Variants in TMED3 observed in about 807,000 individuals in gnomAD.
TMED3 encodes the protein transmembrane p24 trafficking protein 3.
In TMED3, 9 loss-of-function variants were observed where a neutral mutation model predicts 15.0. The ratio of observed to expected loss-of-function variants is 0.60; its 90% confidence interval spans 0.36 to 1.04. TMED3 has a LOEUF of 1.04. Among genes scored for constraint, TMED3 ranks in the 50% least tolerant of loss-of-function variants. The probability of loss-of-function intolerance (pLI) is 0.01; values close to 1 mark genes in which losing one functional copy is unlikely to be tolerated. For synonymous variants in TMED3, 117 were observed against 121.4 expected, an observed-to-expected ratio of 0.96 and a Z score of 0.24; for missense variants, 267 against 278.9, an observed-to-expected ratio of 0.96 and a Z score of 0.30.
At chr15:79,325,829 G>A (rs57478371), downstream of TMED3, among the ~76,000 whole-genome samples, 1,233 of 152,260 alleles carry the variant, frequency 8.1e-3, 17 homozygotes, top group African/African-American at 0.028. Flanking sequence ...CATCCAGCAC[G>A]GGAGAAAGAT....
At chr15:79,367,619 A>G (rs181633881) in intron 2 of TMED3, among the ~76,000 whole-genome samples, 1 of 152,252 alleles carries the variant, frequency 6.6e-6, no homozygotes, top group East Asian at 1.9e-4. Context: ...GGTGTTCTGG[A>G]TGGTCTTTGG....
At chr15:79,401,875 T>A (rs1255969743) in intron 2 of TMED3, among the ~76,000 whole-genome samples, 1 of 152,156 alleles carries the variant, frequency 6.6e-6, no homozygotes, top group Non-Finnish European at 1.5e-5. Context: ...ATCCCATCAA[T>A]AGGTTTTTAG....
In TMED3 at chr15:79,322,414, G is replaced by A. The variant is rs978420618; in HGVS notation, c.*200G>A. The A allele has an allele frequency of 2.3e-5, 33 of 1,421,296 alleles. No homozygotes were observed. Among genetic ancestry groups the A allele is most frequent in the South Asian group, 9.2e-5 (6 of 65,212 alleles). The allele number at this position is 1,421,296 out of a possible 1,614,324, so 88.0% of individuals were successfully genotyped here. On this transcript the variant is annotated 3_prime_UTR_variant, in exon 3 of 3. Transcript: ENST00000299705. Reference sequence around the variant, plus strand: ...AGAGACCAGTAATCAGAAGGCATCCGACTGCATTAAGTGTGCAGCGCTGAA... The same window carrying A: ...AGAGACCAGTAATCAGAAGGCATCCAACTGCATTAAGTGTGCAGCGCTGAA...
intron 2 of TMED3, among the ~76,000 whole-genome samples, chr15:79,368,784 C>T (rs567897626): frequency 2.6e-5 from 4 of 152,114 alleles, no homozygotes; most frequent in African/African-American, 9.6e-5. Flanking sequence ...TCCTACTTAA[C>T]CCTTTAGAAA....
At chr15:79,395,528 C>T (rs1432075301) in intron 2 of TMED3, among the ~76,000 whole-genome samples, 5 of 152,126 alleles carry the variant, frequency 3.3e-5, no homozygotes, top group Non-Finnish European at 7.4e-5. Flanking sequence ...AAATATTTAA[C>T]TACACTTTAA....
intron 2 of TMED3, among the ~76,000 whole-genome samples, chr15:79,371,928 C>T (rs539804336): frequency 1.3e-5 from 2 of 152,320 alleles, no homozygotes; most frequent in Admixed American, 6.5e-5. Context: ...TACCATAATT[C>T]TACCTTTTCT....
chr15:79,368,386 A>G (rs1010093260), intron 2 of TMED3, among the ~76,000 whole-genome samples: 5 of 152,300 alleles, frequency 3.3e-5, no homozygotes, highest in African/African-American at 1.2e-4. Context: ...CCAGCCAAAG[A>G]CCACTGAGAA....
At chr15:79,391,396 A>G (rs1417498480) in intron 2 of TMED3, among the ~76,000 whole-genome samples, 1 of 151,936 alleles carries the variant, frequency 6.6e-6, no homozygotes, top group African/African-American at 2.4e-5. Context: ...TTCCTTTTGG[A>G]GTTGATTTCC....
chr15:79,377,716 C>T (rs866683138), intron 2 of TMED3, among the ~76,000 whole-genome samples: 22 of 148,606 alleles, frequency 1.5e-4, no homozygotes, highest in Non-Finnish European at 2.2e-4. Flanking sequence ...GGCGCAATCT[C>T]GGCTCGCTGC....
At position 79,382,846 on chromosome 15, in the gene TMED3, C is replaced by A. The variant is rs541583771; in HGVS notation, c.418-28554C>A. On this transcript the variant is annotated intron_variant, in intron 2 of 2. Coordinates refer to the TMED3 transcript ENST00000424155. ...GTTTTCAGATATAGGTGCAGGGAAG[C>A]TTCTTTTATATTATCTTTCATGGGT... The A allele has an allele frequency of 1.7e-5, 16 of 926,446 alleles. No individual in the cohort carries two copies. In the South Asian group the frequency reaches 2.1e-4, roughly 12 times the overall value. 57.4% of individuals were successfully genotyped at this position (926,446 alleles called of 1,614,324 possible). A position where few individuals can be genotyped will look rare whatever the true frequency, so the allele number is the denominator to read the frequency against.
At chr15:79,395,308 T>G (rs1893750621) in intron 2 of TMED3, among the ~76,000 whole-genome samples, 1 of 152,212 alleles carries the variant, frequency 6.6e-6, no homozygotes, top group Non-Finnish European at 1.5e-5. Context: ...GCCTCCCGAG[T>G]AGCTGGGATT....
At position 79,352,659 on chromosome 15, in the gene TMED3, AC is replaced by A. The variant is rs2058895579; in HGVS notation, c.417+38655del. Among the ~76,000 whole-genome samples the A allele has an allele frequency of 7.6e-5, 5 of 65,366 alleles. No homozygotes were observed. In the East Asian group the frequency reaches 1.1e-3, roughly 15 times the overall value. 42.9% of individuals were successfully genotyped at this position (65,366 alleles called of 152,430 possible). On this transcript the variant is annotated intron_variant, in intron 2 of 2. Transcript: ENST00000424155. ...CAAAGCGGAAAACACAAGGTCATTA[AC>A]TAAGAAAAAAAAAATATATATATAT...
intron 2 of TMED3, among the ~76,000 whole-genome samples, chr15:79,390,703 A>C (rs1406451887): frequency 6.6e-6 from 1 of 152,026 alleles, no homozygotes; most frequent in African/African-American, 2.4e-5. Context: ...TTCTGCGGTG[A>C]ATCCATGTGG....
intron 2 of TMED3, among the ~76,000 whole-genome samples, chr15:79,320,188 C>G (rs2058760045): frequency 6.6e-6 from 1 of 152,208 alleles, no homozygotes; most frequent in Non-Finnish European, 1.5e-5. Context: ...ACCAAGGAGC[C>G]CTCTGGCGGC....
intron 2 of TMED3, among the ~76,000 whole-genome samples, chr15:79,401,316 T>C (rs1893830604): frequency 1.3e-5 from 2 of 152,180 alleles, no homozygotes; most frequent in Admixed American, 6.5e-5. Flanking sequence ...TGACAAATAT[T>C]TAATAATTTG....
At chr15:79,329,033 T>C (rs1441210588) in intron 2 of TMED3, among the ~76,000 whole-genome samples, 1 of 152,190 alleles carries the variant, frequency 6.6e-6, no homozygotes, top group Admixed American at 6.5e-5. Context: ...CTCCCCTTTT[T>C]AATACCTAGG....
At chr15:79,387,008 A>C (rs981900842) in intron 2 of TMED3, among the ~76,000 whole-genome samples, 6 of 148,166 alleles carry the variant, frequency 4.0e-5, no homozygotes, top group Non-Finnish European at 8.9e-5. Context: ...GGCTCACTGC[A>C]GCCTTGAATC....
At chr15:79,363,013 G>A (rs1354621219) in intron 2 of TMED3, among the ~76,000 whole-genome samples, 1 of 151,940 alleles carries the variant, frequency 6.6e-6, no homozygotes, top group Non-Finnish European at 1.5e-5. Context: ...TGTTTGATTA[G>A]GGGTAGACTG....
At chr15:79,373,912 A>T (rs1893385344) in intron 2 of TMED3, among the ~76,000 whole-genome samples, 1 of 152,240 alleles carries the variant, frequency 6.6e-6, no homozygotes, top group Admixed American at 6.5e-5. Context: ...AAGAGTTGAA[A>T]TCAGCAGGAA....
Sources: gnomAD v4.1 joint callset for allele counts (sites outside exome capture counted in the v4.1 genomes callset) on GRCh38, gnomAD v4.1.1 for gene constraint, MANE v1.5 for transcripts, NCBI Gene and HGNC (gene_info 2026-07-23, HGNC 2026-07-21) for gene names.